The following HPS3 variants were observed in gnomAD, a reference collection of about 807,000 sequenced individuals.
HPS3 encodes BLOC-2 complex member HPS3.
Under a neutral mutation model 110.9 loss-of-function variants are expected in HPS3, and 79 were observed. The ratio of observed to expected loss-of-function variants is 0.71; its 90% CI spans 0.59 to 0.86. The LOEUF (loss-of-function observed/expected upper bound fraction) is 0.86. HPS3 is among the 40% of genes least tolerant of loss of function. The pLI is 0.00. For synonymous variants in HPS3, 428 were observed against 451.0 expected (o/e 0.95, Z 0.65); for missense variants, 1,197 against 1,206.2 (o/e 0.99, Z 0.11).
At chr3:149,166,683 C>T (rs1004213175) in intron 14 of HPS3, among the ~76,000 whole-genome samples, 11 of 152,058 alleles carry the variant, frequency 7.2e-5, no homozygotes, top group African/African-American at 9.7e-5. Flanking sequence ...AATACTCTTG[C>T]GGTGAACATC....
chr3:149,146,441 G>A (rs1029188851), intron 5 of HPS3, among the ~76,000 whole-genome samples: 2 of 152,228 alleles, frequency 1.3e-5, no homozygotes. Flanking sequence ...AAGCATGAAA[G>A]CTAGCTAGAA....
chr3:149,157,627 G>T, intron 9 of HPS3, 96 bp downstream of exon 9: 1 of 1,104,452 alleles, frequency 9.1e-7, no homozygotes, highest in East Asian at 2.4e-5. Context: ...CTGATAAATG[G>T]GAAGGTGGTT....
chr3:149,164,218 A>G (rs1265976235), intron 14 of HPS3, among the ~76,000 whole-genome samples: 1 of 152,196 alleles, frequency 6.6e-6, no homozygotes, highest in Non-Finnish European at 1.5e-5. Context: ...CCTCATTTTC[A>G]GGATGGGCTT....
At chr3:149,130,860 ATT>A (rs1008901908) in intron 1 of HPS3, among the ~76,000 whole-genome samples, 1 of 152,216 alleles carries the variant, frequency 6.6e-6, no homozygotes, top group African/African-American at 2.4e-5. Flanking sequence ...GGTGAATCCT[ATT>A]TTAGAAAAAT....
At chr3:149,151,060 G>C (rs955598672) in intron 6 of HPS3, among the ~76,000 whole-genome samples, 2 of 151,738 alleles carry the variant, frequency 1.3e-5, no homozygotes, top group African/African-American at 4.8e-5. Context: ...CAGGCTGGAG[G>C]GCAGTGGCAA....
intron 14 of HPS3, among the ~76,000 whole-genome samples, chr3:149,165,273 T>C (rs1724303167): frequency 6.6e-6 from 1 of 152,192 alleles, no homozygotes; most frequent in Non-Finnish European, 1.5e-5. Context: ...AAAATTGTAA[T>C]TGGAATAAGT....
At chr3:149,155,798 C>T (rs868633639) in intron 8 of HPS3, among the ~76,000 whole-genome samples, 4 of 152,132 alleles carry the variant, frequency 2.6e-5, no homozygotes, top group Non-Finnish European at 5.9e-5. Context: ...CTTTGGGAGG[C>T]TGAGGCAGGT....
At chr3:149,153,390 T>C in intron 6 of HPS3, 104 bp from the exon 7 acceptor site, 1 of 980,676 alleles carries the variant, frequency 1.0e-6, no homozygotes, top group Non-Finnish European at 1.6e-6. Flanking sequence ...GGGTATGGGA[T>C]GGTGGCAGCA....
chr3:149,146,645 T>A (rs559831511), intron 5 of HPS3, among the ~76,000 whole-genome samples: 1 of 152,324 alleles, frequency 6.6e-6, no homozygotes, highest in South Asian at 2.1e-4. Context: ...ATCTGGAGAT[T>A]CTGATATCCA....
At chr3:149,134,831 T>C (rs1721992170) in intron 1 of HPS3, among the ~76,000 whole-genome samples, 2 of 152,214 alleles carry the variant, frequency 1.3e-5, no homozygotes, top group Non-Finnish European at 2.9e-5. Context: ...TCACGGGTCA[T>C]GTAGCTCAAG....
At position 149,129,648 on chromosome 3, in the gene HPS3, C is replaced by T; in HGVS notation, c.-76C>T. ...CATTGGCTCGCTCGCGGAAGTAGTCCTACATTCGCGGTCAGCGCGGGGTCT... is the reference window on the plus strand; with the variant it reads ...CATTGGCTCGCTCGCGGAAGTAGTCTTACATTCGCGGTCAGCGCGGGGTCT... On this transcript the variant is annotated 5_prime_UTR_variant, in exon 1 of 17. Transcript: ENST00000296051. 2 of 1,173,354 alleles carry T rather than the reference C, an allele frequency of 1.7e-6. No individual in the cohort carries two copies. Among genetic ancestry groups the T allele is most frequent in the Non-Finnish European group, 2.3e-6 (2 of 863,956 alleles). 72.7% of individuals were successfully genotyped at this position (1,173,354 alleles called of 1,614,324 possible).
intron 16 of HPS3, 141 bp from the exon 17 acceptor site, chr3:149,171,954 C>G: frequency 3.0e-6 from 2 of 655,898 alleles, no homozygotes; most frequent in Admixed American, 2.2e-5. Flanking sequence ...ATCTGCCCAC[C>G]TCGGCCTCCC....
chr3:149,142,629 C>G (rs999320954), intron 4 of HPS3, among the ~76,000 whole-genome samples: 5 of 151,800 alleles, frequency 3.3e-5, no homozygotes, highest in African/African-American at 1.2e-4. Context: ...AAATATTATT[C>G]CGATTAAATG....
chr3:149,135,386 A>G (rs1228814324), intron 1 of HPS3, among the ~76,000 whole-genome samples: 1 of 152,026 alleles, frequency 6.6e-6, no homozygotes, highest in Non-Finnish European at 1.5e-5. Flanking sequence ...GGTGGAGGTA[A>G]TTGGATCATG....
At position 149,157,484 on chromosome 3, in the gene HPS3, G is replaced by A; in HGVS notation, c.1644G>A (p.Leu548=). Reference sequence around the variant, plus strand: ...AACCTGGAGAGAAGGCAGAGCTTTTGGAAGCATTTAAGGAAAGCTGTGGGC... The same window carrying A: ...AACCTGGAGAGAAGGCAGAGCTTTTAGAAGCATTTAAGGAAAGCTGTGGGC... ...QLEPGEKAEL[L]EAFKESCGHL... The change falls in exon 9 of 17, where the codon TTG becomes TTA. Residue 548 remains leucine, a synonymous_variant. Coordinates refer to ENST00000296051, the MANE Select transcript of HPS3 (RefSeq NM_032383.5). The A allele has an allele frequency of 6.2e-7, 1 of 1,613,870 alleles. No homozygotes were observed. Among genetic ancestry groups the A allele is most frequent in the East Asian group, 2.2e-5 (1 of 44,868 alleles).
At chr3:149,167,861 A>G (rs765724922) in intron 15 of HPS3, 32 bp from the exon 16 acceptor site, 13 of 1,308,924 alleles carry the variant, frequency 9.9e-6, no homozygotes, top group Non-Finnish European at 1.4e-5. Flanking sequence ...AAATGCATCA[A>G]ACTAAAATTT....
chr3:149,130,313 C>G, intron 1 of HPS3: 1 of 279,608 alleles, frequency 3.6e-6, no homozygotes, highest in Non-Finnish European at 6.8e-6. Context: ...AATAAGGAGA[C>G]TAGTACTGTA....
intron 8 of HPS3, 61 bp downstream of exon 8, chr3:149,155,276 A>G: frequency 1.0e-6 from 1 of 983,352 alleles, no homozygotes; most frequent in South Asian, 1.3e-5. Flanking sequence ...TAATGATCAG[A>G]AATTGATTCT....
At chr3:149,143,873 C>T (rs1722631992) in intron 4 of HPS3, among the ~76,000 whole-genome samples, 1 of 152,108 alleles carries the variant, frequency 6.6e-6, no homozygotes, top group African/African-American at 2.4e-5. Context: ...ACTTGTTAAA[C>T]AACTTTGGTT....
Sources: gnomAD v4.1 joint callset for allele counts (sites outside exome capture counted in the v4.1 genomes callset) on GRCh38, gnomAD v4.1.1 for gene constraint, MANE v1.5 for transcripts, NCBI Gene and HGNC (gene_info 2026-07-23, HGNC 2026-07-21) for gene names.